TRIM36: variants seen among roughly 807,000 people sequenced by gnomAD.
TRIM36 encodes E3 ubiquitin-protein ligase TRIM36.
TRIM36 carries 42 observed loss-of-function variants against 72.4 expected under a neutral mutation model. That is an observed-to-expected ratio of 0.58 (90% CI 0.45 to 0.75). The LOEUF is 0.75. TRIM36 is among the 30% of genes least tolerant of loss of function. The pLI is 0.00. For synonymous variants in TRIM36, 315 were observed against 282.8 expected (o/e 1.11, Z -1.14); for missense variants, 913 against 857.1 (o/e 1.07, Z -0.81).
intron 2 of TRIM36, chr5:115,148,203 A>G (rs1753695698): frequency 2.2e-6 from 1 of 446,500 alleles, no homozygotes; most frequent in African/African-American, 2.2e-5. Flanking sequence ...TCAGTAAGCC[A>G]AAAGTTACCC....
chr5:115,165,453 G>A (rs546495706), intron 1 of TRIM36, among the ~76,000 whole-genome samples: 3 of 152,322 alleles, frequency 2.0e-5, no homozygotes, highest in African/African-American at 7.2e-5. Context: ...GCACTGGTAG[G>A]CCCAACACCA....
intron 2 of TRIM36, among the ~76,000 whole-genome samples, chr5:115,156,791 T>C (rs1223353260): frequency 6.6e-6 from 1 of 152,114 alleles, no homozygotes; most frequent in Non-Finnish European, 1.5e-5. Context: ...CAAAAGCAAA[T>C]GCAATAAAAA....
chr5:115,169,569 C>G (rs1026935096), intron 1 of TRIM36, 39 bp downstream of exon 1: 11 of 1,498,944 alleles, frequency 7.3e-6, no homozygotes, highest in Non-Finnish European at 9.8e-6. Context: ...GTCGGCACAC[C>G]GCCCTCGAGG....
At position 115,142,196 on chromosome 5, in the gene TRIM36, C is replaced by A. The variant is rs149708813; in HGVS notation, c.736-822G>T. Reference sequence around the variant, plus strand: ...TGAGCATTTCAGGCTCAATTACCACCGATGACTTGAAACGAAAAGGGTGCT... The same window carrying A: ...TGAGCATTTCAGGCTCAATTACCACAGATGACTTGAAACGAAAAGGGTGCT... On this transcript the variant is annotated intron_variant, in intron 4 of 9. Coordinates refer to ENST00000513154, the MANE Select transcript of TRIM36 (RefSeq NM_001300759.2). Among the ~76,000 whole-genome samples the A allele has an allele frequency of 3.3e-3, 506 of 152,202 alleles. 3 individuals are homozygous for A. Among genetic ancestry groups the A allele is most frequent in the African/African-American group, 0.012 (485 of 41,510 alleles).
chr5:115,137,665 C>A lies in TRIM36; in HGVS notation c.832-49G>T, dbSNP rs201979563. On this transcript the variant is annotated intron_variant, in intron 5 of 9. Coordinates refer to ENST00000513154, the MANE Select transcript of TRIM36 (RefSeq NM_001300759.2). ...TACACTAAGATAAAACAAAGAATAG[C>A]CTCTTCTGCTAAACCCAAATGGCTT... 1,521 of 1,502,890 alleles carry A rather than the reference C, an allele frequency of 1.0e-3. 4 individuals are homozygous for A. The highest frequency in any genetic ancestry group is 1.2e-3 in the Non-Finnish European group (1,405 of 1,131,486). The allele number at this position is 1,502,890 out of a possible 1,614,324, so 93.1% of individuals were successfully genotyped here. A position where few individuals can be genotyped will look rare whatever the true frequency, so the allele number is the denominator to read the frequency against.
chr5:115,162,599 A>G (rs1264435690), intron 2 of TRIM36, among the ~76,000 whole-genome samples: 1 of 152,266 alleles, frequency 6.6e-6, no homozygotes, highest in Non-Finnish European at 1.5e-5. Context: ...AGAAATATCT[A>G]GTACATAACT....
chr5:115,163,715 G>T lies in TRIM36; in HGVS notation c.65C>A (p.Pro22Gln), dbSNP rs1436597329. Residue 22 changes from proline to glutamine, a missense_variant, in exon 2 of 10, where the codon CCA becomes CAA. Physicochemically the swap from Pro to Gln is moderately conservative, Grantham distance 76. Coordinates refer to ENST00000513154, the MANE Select transcript of TRIM36 (RefSeq NM_001300759.2). Reference sequence around the variant, plus strand: ...GTGGGTAAACAGCTCCTTGCATGCTGGGCAAATGAGCTCCCTTTCGATATT... The same window carrying T: ...GTGGGTAAACAGCTCCTTGCATGCTTGGCAAATGAGCTCCCTTTCGATATT... ...IKNIERELICPACKELFTHPL... is the reference protein window; with the variant it reads ...IKNIERELICQACKELFTHPL... 1 of 1,614,030 alleles carries T rather than the reference G, an allele frequency of 6.2e-7. No individual in the cohort carries two copies. The highest frequency in any genetic ancestry group is 8.5e-7 in the Non-Finnish European group (1 of 1,180,048).
intron 2 of TRIM36, among the ~76,000 whole-genome samples, chr5:115,157,928 A>G (rs990399400): frequency 2.6e-5 from 4 of 152,190 alleles, no homozygotes; most frequent in Non-Finnish European, 5.9e-5. Context: ...ATGCAAAGGC[A>G]TAAGAATAAC....
intron 9 of TRIM36, among the ~76,000 whole-genome samples, chr5:115,128,681 A>C (rs1035378631): frequency 7.1e-6 from 1 of 140,948 alleles, no homozygotes; most frequent in Admixed American, 7.1e-5. Flanking sequence ...GAACCCAGGA[A>C]GCGGAGCTTG....
chr5:115,126,942 G>A (rs1752390432), intron 9 of TRIM36, 85 bp from the exon 10 acceptor site: 5 of 1,285,126 alleles, frequency 3.9e-6, no homozygotes, highest in Non-Finnish European at 4.3e-6. Flanking sequence ...ATACATTGAT[G>A]TAAAGTTAAA....
chr5:115,126,667 C>A lies in TRIM36; in HGVS notation c.1987G>T (p.Gly663Cys), dbSNP rs140291457. ...TCCATATCATAGAAATCTACTTTGC[C>A]TTTATCACAGTCAAGGAAAATCCCA... is the stretch of plus-strand genomic sequence containing the variant. Reference protein sequence around the residue: ...SIGIFLDCDKGKVDFYDMDQM... With the variant: ...SIGIFLDCDKCKVDFYDMDQM... The change falls in exon 10 of 10, where the codon GGC becomes TGC. Residue 663 changes from glycine (G) to cysteine (C), a missense_variant. Coordinates refer to ENST00000513154, the MANE Select transcript of TRIM36 (RefSeq NM_001300759.2). The A allele has an allele frequency of 6.2e-7, 1 of 1,614,128 alleles. No homozygotes were observed. The highest frequency in any genetic ancestry group is 8.5e-7 in the Non-Finnish European group (1 of 1,180,020).
chr5:115,151,070 C>T (rs1753866407), intron 2 of TRIM36, among the ~76,000 whole-genome samples: 1 of 152,232 alleles, frequency 6.6e-6, no homozygotes, highest in Non-Finnish European at 1.5e-5. Context: ...AGTGTGCAGA[C>T]TCCACAGGTG....
At chr5:115,145,481 T>C (rs1753538574) in intron 3 of TRIM36, among the ~76,000 whole-genome samples, 1 of 152,236 alleles carries the variant, frequency 6.6e-6, no homozygotes. Context: ...GATTAGATTT[T>C]AAGCAATTGT....
Position 115,126,649 on chromosome 5 carries a change from C to T in TRIM36, c.2005G>A (p.Asp669Asn). The change falls in exon 10 of 10, where the codon GAT (aspartate) becomes AAT (asparagine). Residue 669 changes from aspartate to asparagine, a missense_variant. Asp to Asn is a conservative substitution (Grantham distance 23, BLOSUM62 1). Coordinates refer to ENST00000513154, the MANE Select transcript of TRIM36 (RefSeq NM_001300759.2). ...DCDKGKVDFY[D>N]MDQMKCLYER... ...TAAAGGCATTTCATCTGATCCATAT[C>T]ATAGAAATCTACTTTGCCTTTATCA... The T allele has an allele frequency of 6.2e-7, 1 of 1,614,164 alleles. No individual in the cohort carries two copies. Among genetic ancestry groups the T allele is most frequent in the Non-Finnish European group, 8.5e-7 (1 of 1,180,014 alleles).
At chr5:115,172,966 T>C (rs1204333185), upstream of TRIM36, among the ~76,000 whole-genome samples, 1 of 152,244 alleles carries the variant, frequency 6.6e-6, no homozygotes. Flanking sequence ...TCTAAAACTT[T>C]TTAAGGTTAA....
chr5:115,134,790 T>C (rs912529125), intron 7 of TRIM36, among the ~76,000 whole-genome samples: 13 of 152,230 alleles, frequency 8.5e-5, no homozygotes, highest in African/African-American at 2.7e-4. Context: ...TCTGCCTGCC[T>C]TGGTCTCCCA....
At chr5:115,133,270 T>C (rs926093024) in intron 8 of TRIM36, among the ~76,000 whole-genome samples, 1 of 152,194 alleles carries the variant, frequency 6.6e-6, no homozygotes, top group African/African-American at 2.4e-5. Flanking sequence ...TAAAAATCTT[T>C]AGGCGCTCTA....
At chr5:115,167,269 C>T (rs575997500) in intron 1 of TRIM36, among the ~76,000 whole-genome samples, 2 of 152,320 alleles carry the variant, frequency 1.3e-5, no homozygotes, top group Admixed American at 1.3e-4. Context: ...CATTAATGCA[C>T]CTGTTTGGCC....
At chr5:115,152,125 C>G (rs1353779139) in intron 2 of TRIM36, among the ~76,000 whole-genome samples, 1 of 151,950 alleles carries the variant, frequency 6.6e-6, no homozygotes, top group African/African-American at 2.4e-5. Flanking sequence ...AAAAATGATA[C>G]AAGAAGTGAA....
Sources: gnomAD v4.1 joint callset for allele counts (sites outside exome capture counted in the v4.1 genomes callset) on GRCh38, gnomAD v4.1.1 for gene constraint, MANE v1.5 for transcripts, NCBI Gene and HGNC (gene_info 2026-07-23, HGNC 2026-07-21) for gene names.